SLC66A2: variants seen among roughly 807,000 people sequenced by gnomAD.
SLC66A2 encodes the protein PQ loop repeat containing 1.
Under a neutral mutation model 25.5 loss-of-function variants are expected in SLC66A2, and 23 were observed. The observed-to-expected ratio is 0.90, with a 90% CI of 0.65 to 1.28. SLC66A2 has a LOEUF of 1.28. Ranked by LOEUF, SLC66A2 falls within the 50% of genes most tolerant of loss-of-function variation. The pLI is 0.00. For synonymous variants in SLC66A2, 193 were observed against 166.5 expected, an observed-to-expected ratio of 1.16 and a Z score of -1.23; for missense variants, 396 against 373.1, an observed-to-expected ratio of 1.06 and a Z score of -0.51.
chr18:79,938,680 T>C (rs1987356587), intron 3 of SLC66A2, among the ~76,000 whole-genome samples: 1 of 152,160 alleles, frequency 6.6e-6, no homozygotes, highest in African/African-American at 2.4e-5. Flanking sequence ...TTTGTTTTGC[T>C]TTGTTTTGTT....
At chr18:79,909,554 C>CAT (rs373831394) in intron 5 of SLC66A2, among the ~76,000 whole-genome samples, 21 of 92,862 alleles carry the variant, frequency 2.3e-4, no homozygotes, top group African/African-American at 3.6e-4. Flanking sequence ...TTCCCCACAC[C>CAT]CTCACCAGAG....
Position 79,937,665 on chromosome 18 carries a change from C to T in SLC66A2, c.338-3643G>A, listed in dbSNP as rs555124666. 1.5e-4 allele frequency among the ~76,000 whole-genome samples: 23 copies of T among 152,306 alleles called. No homozygotes were observed. Among genetic ancestry groups the T allele is most frequent in the Admixed American group, 1.1e-3 (17 of 15,304 alleles). On this transcript the variant is annotated intron_variant, in intron 3 of 5. Coordinates refer to ENST00000397778, the MANE Select transcript of SLC66A2 (RefSeq NM_025078.5). The surrounding 1 kb of genome is among the most constrained non-coding windows in gnomAD (Gnocchi z 5.4). The stretch of plus-strand genomic sequence containing the variant: ...GGCCGCTGACCACACGCACCTCCGA[C>T]GGAACGACGCAACCATCCTGCGAAA...
chr18:79,915,238 T>C (rs1287655072), intron 5 of SLC66A2: 1 of 152,146 alleles, frequency 6.6e-6, no homozygotes. Context: ...CCGGATGAAC[T>C]GGGCCTGGGG....
At chr18:79,928,357 CAG>C (rs1484555527) in intron 4 of SLC66A2, among the ~76,000 whole-genome samples, 1 of 152,232 alleles carries the variant, frequency 6.6e-6, no homozygotes, top group African/African-American at 2.4e-5. Context: ...AGCCATTGAA[CAG>C]AAACTCAAGA....
intron 4 of SLC66A2, among the ~76,000 whole-genome samples, chr18:79,928,175 C>G (rs576694335): frequency 1.3e-5 from 2 of 152,354 alleles, no homozygotes; most frequent in East Asian, 3.9e-4. Flanking sequence ...ACAGCAGAAA[C>G]AGCCCAGAAA....
At chr18:79,945,614 G>A (rs2050900225) in intron 2 of SLC66A2, among the ~76,000 whole-genome samples, 1 of 152,184 alleles carries the variant, frequency 6.6e-6, no homozygotes, top group Admixed American at 6.5e-5. Context: ...ATAGAGGACG[G>A]CCAGCAGCAA....
chr18:79,933,872 G>T (rs1173585127), intron 4 of SLC66A2, 97 bp downstream of exon 4: 2 of 1,042,642 alleles, frequency 1.9e-6, no homozygotes, highest in Non-Finnish European at 2.9e-6. Context: ...GATGACGCAC[G>T]CACATGCACA....
chr18:79,943,841 C>A (rs1628213), intron 2 of SLC66A2: 1 of 211,286 alleles, frequency 4.7e-6, no homozygotes, highest in South Asian at 6.7e-5. Flanking sequence ...AATCCCGAAC[C>A]TGCAGCGGGA....
intron 4 of SLC66A2, 85 bp downstream of exon 4, chr18:79,933,884 A>G: frequency 8.1e-7 from 1 of 1,232,928 alleles, no homozygotes; most frequent in Non-Finnish European, 1.2e-6. Flanking sequence ...ACATGCACAG[A>G]TGGAAGCAAC....
At chr18:79,949,159 C>G (rs546964619) in intron 2 of SLC66A2, among the ~76,000 whole-genome samples, 2 of 152,166 alleles carry the variant, frequency 1.3e-5, no homozygotes, top group Non-Finnish European at 1.5e-5. Context: ...CCAACCCACT[C>G]GCTCACCTAA....
chr18:79,943,455 T>C lies in SLC66A2; in HGVS notation c.211A>G (p.Arg71Gly). Residue 71 changes from arginine (R) to glycine (G), a missense_variant, in exon 3 of 6, where the codon AGG (arginine) becomes GGG (glycine). Arg to Gly is a moderately radical substitution (Grantham distance 125, BLOSUM62 -2). Transcript: ENST00000397778. ...NILRILFWFG[R>G]RFESPLLWQS... ...CACAGCAGCGGGGACTCAAAGCGCC[T>C]TCCAAACCTGCGGGAGAGACACTGT... The C allele has an allele frequency of 1.2e-6, 2 of 1,613,746 alleles. No homozygotes were observed. Among genetic ancestry groups the C allele is most frequent in the South Asian group, 2.2e-5 (2 of 91,038 alleles).
intron 3 of SLC66A2, among the ~76,000 whole-genome samples, chr18:79,938,365 G>A (rs1337026545): frequency 2.0e-5 from 3 of 152,140 alleles, no homozygotes; most frequent in Admixed American, 6.5e-5. Flanking sequence ...TGGCCTGGCC[G>A]AAGAGGCTCA....
intron 3 of SLC66A2, among the ~76,000 whole-genome samples, chr18:79,935,057 C>T (rs570646631): frequency 5.3e-5 from 8 of 151,102 alleles, no homozygotes; most frequent in Admixed American, 5.3e-4. Flanking sequence ...TCCCTCAGCT[C>T]GTCCTCTCTG....
chr18:79,943,214 C>T (rs1987843473), intron 3 of SLC66A2, 115 bp downstream of exon 3: 1 of 1,298,604 alleles, frequency 7.7e-7, no homozygotes, highest in South Asian at 1.5e-5. Context: ...ATAACAGCAC[C>T]ACTTGGTGAA....
intron 1 of SLC66A2, among the ~76,000 whole-genome samples, chr18:79,951,349 G>A (rs1286914922): frequency 6.6e-6 from 1 of 151,166 alleles, no homozygotes; most frequent in Non-Finnish European, 1.5e-5. Context: ...CCCAGGATCG[G>A]GGCGCACTGT....
Position 79,949,218 on chromosome 18 carries a change from G to A in SLC66A2, c.203+1506C>T, listed in dbSNP as rs2051033852. ...AACACCCAGGGACACATGGACCAAT[G>A]GCTGCCCATGGCCAGGGCTGGGATG... On this transcript the variant is annotated intron_variant, in intron 2 of 5. Coordinates refer to ENST00000397778, the MANE Select transcript of SLC66A2 (RefSeq NM_025078.5). Among the ~76,000 whole-genome samples, 4 of 152,160 alleles carry A rather than the reference G, an allele frequency of 2.6e-5. No homozygotes were observed. The South Asian group carries it at 8.3e-4, about 32-fold the overall frequency.
chr18:79,924,036 CAAA>C (rs1415720359), intron 4 of SLC66A2, among the ~76,000 whole-genome samples: 6 of 94,920 alleles, frequency 6.3e-5, no homozygotes, highest in African/African-American at 8.3e-5. Context: ...GACCTGGTCT[CAAA>C]AAAAAAAAAA....
At position 79,931,727 on chromosome 18, in the gene SLC66A2, A is replaced by C. The variant is rs141464512; in HGVS notation, c.391+2242T>G. Among the ~76,000 whole-genome samples, 807 of 152,318 alleles carry C rather than the reference A, an allele frequency of 5.3e-3. 3 individuals are homozygous for C. Among genetic ancestry groups the C allele is most frequent in the South Asian group, 0.019 (92 of 4,828 alleles). Reference sequence around the variant, plus strand: ...TGTGCCTCTATTTAAAAGTACTGGAATCTGGCTGGGCGTGGTTGCTCATGC... The same window carrying C: ...TGTGCCTCTATTTAAAAGTACTGGACTCTGGCTGGGCGTGGTTGCTCATGC... On this transcript the variant is annotated intron_variant, in intron 4 of 5. Transcript: ENST00000397778.
chr18:79,943,378 G>C lies in SLC66A2; in HGVS notation c.288C>G (p.Thr96=), dbSNP rs372242050. The C allele has an allele frequency of 1.2e-6, 2 of 1,614,194 alleles. No individual in the cohort carries two copies. The highest frequency in any genetic ancestry group is 1.7e-6 in the Non-Finnish European group (2 of 1,180,034). ...LTMLLMLKLC[T]EVRVANELNA... ...TGAGCTCGTTGGCCACACGGACCTC[G>C]GTGCACAGCTTCAGCATCAGCAGCA... The change falls in exon 3 of 6, where the codon ACC becomes ACG. Residue 96 remains threonine (T), a synonymous_variant. Coordinates refer to ENST00000397778, the MANE Select transcript of SLC66A2 (RefSeq NM_025078.5).
Sources: allele counts gnomAD v4.1 joint callset (sites outside exome capture counted in the v4.1 genomes callset), GRCh38; gene constraint gnomAD v4.1.1; non-coding constraint Gnocchi (gnomAD v3.1); transcripts MANE v1.5; gene names NCBI Gene and HGNC (gene_info 2026-07-23, HGNC 2026-07-21).